The following AXIN1 variants were observed in gnomAD, a reference collection of about 807,000 sequenced individuals.
AXIN1 encodes the protein axin 1.
Under a neutral mutation model 76.4 loss-of-function variants are expected in AXIN1, and 30 were observed. That is an observed-to-expected ratio of 0.39 (90% CI 0.29 to 0.53). The LOEUF is 0.53. Ranked by LOEUF, AXIN1 falls within the 20% of genes least tolerant of loss-of-function variation. The pLI is 0.66. For synonymous variants in AXIN1, 545 were observed against 501.4 expected, an observed-to-expected ratio of 1.09 and a Z score of -1.16; for missense variants, 1,140 against 1,198.8, an observed-to-expected ratio of 0.95 and a Z score of 0.72.
intron 2 of AXIN1, among the ~76,000 whole-genome samples, chr16:320,818 C>T (rs1597064591): frequency 6.7e-6 from 1 of 149,060 alleles, no homozygotes; most frequent in South Asian, 2.1e-4. Flanking sequence ...CGGCTCACTA[C>T]AACCTCCGCC....
rs1276495489 is a variant in AXIN1 at position 298,178 on chromosome 16, G to A, written c.1328C>T (p.Ala443Val). The A allele has an allele frequency of 6.5e-7, 1 of 1,542,516 alleles. No individual in the cohort carries two copies. The highest frequency in any genetic ancestry group is 2.0e-5 in the Admixed American group (1 of 51,156). ...ACAGCGGGGCGGGAAGTGGTGCCAA[G>A]CGGGGGCGGGAGGCAGCTTGTGACA... Reference protein sequence around the residue: ...GPCHKLPPAPAWHHFPPRCVD... With the variant: ...GPCHKLPPAPVWHHFPPRCVD... The change falls in exon 6 of 11, where the codon GCT becomes GTT. Residue 443 changes from alanine to valine, a missense_variant. This residue lies in a region of AXIN1 where 708 missense variants were observed against 776.9 expected (regional missense o/e 0.91). Transcript: ENST00000262320.
At chr16:303,224 G>C (rs148320137) in intron 5 of AXIN1, among the ~76,000 whole-genome samples, 1 of 152,058 alleles carries the variant, frequency 6.6e-6, no homozygotes, top group African/African-American at 2.4e-5. Context: ...AACTCCAGCC[G>C]GCCTGCGCAC....
rs750185512 is a variant in AXIN1, at chr16:297,159, C to T, written c.1852G>A (p.Glu618Lys). 9 of 1,612,004 alleles carry T rather than the reference C, an allele frequency of 5.6e-6. No individual in the cohort carries two copies. The highest frequency in any genetic ancestry group is 1.1e-5 in the South Asian group (1 of 91,086). The change falls in exon 7 of 11, where the codon GAG becomes AAG. Residue 618 changes from glutamate to lysine, a missense_variant. Glu to Lys is a moderately conservative substitution (Grantham distance 56, BLOSUM62 1). Coordinates refer to ENST00000262320, the MANE Select transcript of AXIN1 (RefSeq NM_003502.4). Reference protein sequence around the residue: ...KAESGKSASTEVPGASEDAEK... With the variant: ...KAESGKSASTKVPGASEDAEK... ...GCATCCTCCGAGGCACCTGGCACCTCGGTGCTGGCGCTCTTCCCCGACTCA... is the reference window on the plus strand; with the variant it reads ...GCATCCTCCGAGGCACCTGGCACCTTGGTGCTGGCGCTCTTCCCCGACTCA...
chr16:324,585 G>C lies in AXIN1; in HGVS notation c.879-9902C>G, dbSNP rs190865314. On this transcript the variant is annotated intron_variant, in intron 2 of 10. Transcript: ENST00000262320. ...AGAAAACGCCCGCAGGTGGTCAGTAGGCGCTTCCAGTGTTATCACAAGACC... is the reference window on the plus strand; with the variant it reads ...AGAAAACGCCCGCAGGTGGTCAGTACGCGCTTCCAGTGTTATCACAAGACC... 2.3e-3 allele frequency among the ~76,000 whole-genome samples: 357 copies of C among 152,342 alleles called. 1 individual carries two copies. The highest frequency in any genetic ancestry group is 0.01 in the Middle Eastern group (3 of 294).
At chr16:319,002 G>A (rs36135419) in intron 2 of AXIN1, among the ~76,000 whole-genome samples, 1 of 150,726 alleles carries the variant, frequency 6.6e-6, no homozygotes, top group African/African-American at 2.4e-5. Context: ...GAATGCGGCC[G>A]GAGACTTGGT....
At chr16:330,331 T>G (rs1419440061) in intron 2 of AXIN1, among the ~76,000 whole-genome samples, 2 of 152,202 alleles carry the variant, frequency 1.3e-5, no homozygotes, top group Non-Finnish European at 2.9e-5. Context: ...CCCAAAGTGC[T>G]GGGATTACAG....
chr16:326,372 A>ATATATATAT (rs1555483772), intron 2 of AXIN1, among the ~76,000 whole-genome samples: 22 of 86,456 alleles, frequency 2.5e-4, no homozygotes, highest in Non-Finnish European at 4.1e-4. Context: ...AAAAAAAAAA[A>ATATATATAT]ATATATATAT....
chr16:350,977 C>G (rs997168791), intron 1 of AXIN1, among the ~76,000 whole-genome samples: 5 of 152,024 alleles, frequency 3.3e-5, no homozygotes, highest in African/African-American at 9.7e-5. Context: ...ACTAAAAATA[C>G]AAAATTAGTC....
chr16:335,808 G>C (rs1019861857), intron 2 of AXIN1, among the ~76,000 whole-genome samples: 9 of 152,220 alleles, frequency 5.9e-5, no homozygotes, highest in African/African-American at 2.2e-4. Context: ...AGGTTTTACA[G>C]TGAGGAGAAG....
At chr16:336,508 AAG>A (rs774710716) in intron 2 of AXIN1, among the ~76,000 whole-genome samples, 1 of 152,192 alleles carries the variant, frequency 6.6e-6, no homozygotes, top group Non-Finnish European at 1.5e-5. Flanking sequence ...GCCCTGACCC[AAG>A]AGGGCTGGTT....
At chr16:322,086 C>G (rs2053471589) in intron 2 of AXIN1, among the ~76,000 whole-genome samples, 1 of 152,170 alleles carries the variant, frequency 6.6e-6, no homozygotes, top group Admixed American at 6.5e-5. Flanking sequence ...CCGCACAGAC[C>G]CAAAGATGCA....
chr16:347,139 A>G, intron 1 of AXIN1, 33 bp from the exon 2 acceptor site: 1 of 1,584,650 alleles, frequency 6.3e-7, no homozygotes, highest in Non-Finnish European at 8.6e-7. Context: ...AAGGATTAGG[A>G]AAGGTGGGTC....
chr16:324,439 C>T (rs566348569), intron 2 of AXIN1, among the ~76,000 whole-genome samples: 1 of 152,166 alleles, frequency 6.6e-6, no homozygotes, highest in Non-Finnish European at 1.5e-5. Flanking sequence ...GCCCGCGGTC[C>T]TCCGGGGAGG....
At chr16:324,958 G>A (rs944388996) in intron 2 of AXIN1, among the ~76,000 whole-genome samples, 14 of 152,210 alleles carry the variant, frequency 9.2e-5, no homozygotes, top group Non-Finnish European at 5.9e-5. Context: ...GCAAGGAAAC[G>A]GCTGTGTAAA....
intron 4 of AXIN1, among the ~76,000 whole-genome samples, chr16:307,830 G>A (rs954738807): frequency 6.6e-6 from 1 of 152,182 alleles, no homozygotes; most frequent in Non-Finnish European, 1.5e-5. Context: ...CTAGCTTATC[G>A]GCTTCCTGGG....
rs2052619389 is a variant in AXIN1 at position 293,293 on chromosome 16, A to G, written c.2186+195T>C. 4.8e-6 allele frequency: 3 copies of G among 626,794 alleles called. No homozygotes were observed. Among genetic ancestry groups the G allele is most frequent in the Non-Finnish European group, 8.3e-6 (3 of 360,512 alleles). 38.8% of individuals were successfully genotyped at this position (626,794 alleles called of 1,614,324 possible). On this transcript the variant is annotated intron_variant, in intron 8 of 10. Coordinates refer to ENST00000262320, the MANE Select transcript of AXIN1 (RefSeq NM_003502.4). This position sits in a 1 kb window ranked among gnomAD's most constrained non-coding sequence, Gnocchi z 4.6. ...TCGGGTGTGTGAAAGCTCCAGCCCC[A>G]GCCTCCGTCCACCGCAGGGTGGCCT...
chr16:327,590 G>A (rs1597083452), intron 2 of AXIN1, among the ~76,000 whole-genome samples: 1 of 152,356 alleles, frequency 6.6e-6, no homozygotes, highest in Middle Eastern at 3.4e-3. Flanking sequence ...GTGTGTTTCT[G>A]CAGACTGTCC....
chr16:293,750 G>T lies in AXIN1; in HGVS notation c.1956-32C>A. The T allele has an allele frequency of 6.2e-7, 1 of 1,605,526 alleles. No individual in the cohort carries two copies. On this transcript the variant is annotated intron_variant, in intron 7 of 10. Transcript: ENST00000262320. This position sits in a 1 kb window ranked among gnomAD's most constrained non-coding sequence, Gnocchi z 4.6. Reference sequence around the variant, plus strand: ...GAACAAGAGAACAAGTTGTGACTGTGGCCGACACCCTGGCCAGGTGGCCTG... The same window carrying T: ...GAACAAGAGAACAAGTTGTGACTGTTGCCGACACCCTGGCCAGGTGGCCTG...
chr16:291,021 G>A (rs2052542540), intron 9 of AXIN1, 169 bp downstream of exon 9: 1 of 689,406 alleles, frequency 1.5e-6, no homozygotes, highest in African/African-American at 1.8e-5. Context: ...ACAGGAGAAG[G>A]CTCTCGGGCA....
Sources: gnomAD v4.1 joint callset for allele counts (sites outside exome capture counted in the v4.1 genomes callset) on GRCh38, gnomAD v4.1.1 for gene constraint, gnomAD v4.1.1 regional missense constraint, Gnocchi (gnomAD v3.1) non-coding constraint, MANE v1.5 for transcripts, NCBI Gene and HGNC (gene_info 2026-07-23, HGNC 2026-07-21) for gene names.